IGF2BP2: variants seen among roughly 807,000 people sequenced by gnomAD.
IGF2BP2 encodes the protein insulin-like growth factor 2 mRNA-binding protein 2.
Under a neutral mutation model 75.8 loss-of-function variants are expected in IGF2BP2, and 17 were observed. The ratio of observed to expected loss-of-function variants is 0.22; its 90% CI spans 0.15 to 0.34. The LOEUF (loss-of-function observed/expected upper bound fraction) is 0.34. Ranked by LOEUF, IGF2BP2 falls within the 10% of genes least tolerant of loss-of-function variation. The probability of loss-of-function intolerance (pLI) is 1.00; values close to 1 mark genes in which losing one functional copy is unlikely to be tolerated. For missense variants in IGF2BP2, 516 were observed against 772.4 expected (o/e 0.67, Z 3.93); for synonymous variants, 288 against 295.6 (o/e 0.97, Z 0.26).
chr3:185,745,939 T>G (rs190206845), intron 2 of IGF2BP2, among the ~76,000 whole-genome samples: 13 of 152,234 alleles, frequency 8.5e-5, no homozygotes, highest in African/African-American at 3.1e-4. Context: ...GTTTTCTTCT[T>G]GGCAAGGTCA....
At chr3:185,704,838 T>C (rs996107548) in intron 2 of IGF2BP2, among the ~76,000 whole-genome samples, 3 of 152,228 alleles carry the variant, frequency 2.0e-5, no homozygotes, top group East Asian at 1.9e-4. Context: ...TGAAAAAAAA[T>C]TGTTTAGTCA....
chr3:185,824,704 C>T, intron 1 of IGF2BP2, 79 bp downstream of exon 1: 1 of 1,127,058 alleles, frequency 8.9e-7, no homozygotes, highest in Non-Finnish European at 1.1e-6. Flanking sequence ...GCGCCGCCCG[C>T]CGGACTCGGC....
intron 2 of IGF2BP2, 37 bp from the exon 3 acceptor site, chr3:185,698,384 C>T (rs1291519202): frequency 6.3e-7 from 1 of 1,588,878 alleles, no homozygotes; most frequent in South Asian, 1.1e-5. Flanking sequence ...ACACTTTCTC[C>T]AGGACACAAA....
intron 2 of IGF2BP2, among the ~76,000 whole-genome samples, chr3:185,796,146 T>C (rs975801971): frequency 1.3e-5 from 2 of 152,166 alleles, no homozygotes; most frequent in Non-Finnish European, 1.5e-5. Flanking sequence ...GTGGGTTCCA[T>C]GAAAAAACTT....
rs543782428 is a variant in IGF2BP2, at chr3:185,786,730, G to C, written c.239+36423C>G. On this transcript the variant is annotated intron_variant, in intron 2 of 15. Coordinates refer to ENST00000382199, the MANE Select transcript of IGF2BP2 (RefSeq NM_006548.6). Reference sequence around the variant, plus strand: ...TTTGGTGGTCTCTTCACATGGACGCGCGTGACAGAACCCTCTTAAGATACG... The same window carrying C: ...TTTGGTGGTCTCTTCACATGGACGCCCGTGACAGAACCCTCTTAAGATACG... Among the ~76,000 whole-genome samples the C allele has an allele frequency of 1.1e-4, 16 of 152,146 alleles. No homozygotes were observed. The East Asian group carries it at 3.1e-3, about 29-fold the overall frequency.
intron 2 of IGF2BP2, among the ~76,000 whole-genome samples, chr3:185,746,690 CAT>C (rs1210534569): frequency 6.6e-6 from 1 of 152,180 alleles, no homozygotes; most frequent in African/African-American, 2.4e-5. Context: ...CAACAGGAAA[CAT>C]ATATCATATT....
intron 2 of IGF2BP2, among the ~76,000 whole-genome samples, chr3:185,804,861 C>T (rs1276322559): frequency 2.0e-5 from 3 of 151,162 alleles, no homozygotes; most frequent in Non-Finnish European, 3.0e-5. Context: ...GAGTGGGTGG[C>T]GGGTGCCTGT....
At chr3:185,689,121 G>A in intron 6 of IGF2BP2, 1 of 540,934 alleles carries the variant, frequency 1.8e-6, no homozygotes, top group Non-Finnish European at 3.2e-6. Context: ...AACAGTCCTG[G>A]CTGTGAGGTT....
At chr3:185,756,372 C>G (rs1731620145) in intron 2 of IGF2BP2, among the ~76,000 whole-genome samples, 1 of 152,166 alleles carries the variant, frequency 6.6e-6, no homozygotes, top group Admixed American at 6.5e-5. Flanking sequence ...ATTACCCAGT[C>G]TCGGGTGTTC....
intron 2 of IGF2BP2, among the ~76,000 whole-genome samples, chr3:185,802,674 C>T (rs1416542344): frequency 4.6e-5 from 7 of 152,132 alleles, no homozygotes; most frequent in African/African-American, 1.7e-4. Context: ...TTTCAAAACC[C>T]AATGCAGCAT....
intron 10 of IGF2BP2, among the ~76,000 whole-genome samples, chr3:185,665,677 G>GAGCCC (rs1426237508): frequency 6.6e-6 from 1 of 152,102 alleles, no homozygotes; most frequent in Non-Finnish European, 1.5e-5. Context: ...AGTTCTAAAG[G>GAGCCC]AGCTATGGGC....
intron 10 of IGF2BP2, among the ~76,000 whole-genome samples, chr3:185,669,574 A>AAAAG (rs1322137606): frequency 2.4e-5 from 3 of 124,494 alleles, no homozygotes; most frequent in South Asian, 6.2e-4. Flanking sequence ...AAAAAAAAAA[A>AAAAG]GGGGGGGGGG....
intron 2 of IGF2BP2, among the ~76,000 whole-genome samples, chr3:185,704,014 G>C (rs568777925): frequency 8.5e-5 from 13 of 152,142 alleles, no homozygotes; most frequent in African/African-American, 1.2e-4. Flanking sequence ...CTAGGAACTG[G>C]AGGATTCCCA....
At chr3:185,648,751 G>A (rs757349682) in intron 14 of IGF2BP2, among the ~76,000 whole-genome samples, 16 of 151,920 alleles carry the variant, frequency 1.1e-4, no homozygotes, top group Non-Finnish European at 1.8e-4. Context: ...AAACTACACT[G>A]TGTTTGTTCC....
At chr3:185,751,538 TCTC>T (rs1423738069) in intron 2 of IGF2BP2, among the ~76,000 whole-genome samples, 1 of 146,066 alleles carries the variant, frequency 6.8e-6, no homozygotes, top group African/African-American at 2.6e-5. Context: ...CTACTAGTAT[TCTC>T]CTGCTGAGGC....
At chr3:185,808,167 A>G (rs892707150) in intron 2 of IGF2BP2, among the ~76,000 whole-genome samples, 1 of 151,868 alleles carries the variant, frequency 6.6e-6, no homozygotes, top group African/African-American at 2.4e-5. Flanking sequence ...AAACAAACAA[A>G]CAAAAATGTT....
intron 2 of IGF2BP2, chr3:185,716,837 T>C: frequency 1.9e-6 from 1 of 512,832 alleles, no homozygotes; most frequent in Non-Finnish European, 3.9e-6. Context: ...CTACGCAGCC[T>C]GGATCAGAGC....
Position 185,658,483 on chromosome 3 carries a change from C to T in IGF2BP2, c.1201-74G>A, listed in dbSNP as rs1345980666. On this transcript the variant is annotated intron_variant, in intron 10 of 15. Coordinates refer to ENST00000382199, the MANE Select transcript of IGF2BP2 (RefSeq NM_006548.6). ...CACTGGCCTCAGGGAGGCCAGATTC[C>T]CAACATGCGACACAGGCTCTCTGTG... 7.0e-5 allele frequency: 88 copies of T among 1,255,824 alleles called. No homozygotes were observed. The East Asian group carries it at 2.0e-3, about 29-fold the overall frequency. The allele number at this position is 1,255,824 out of a possible 1,614,324, so 77.8% of individuals were successfully genotyped here.
chr3:185,708,080 T>C (rs1414181305), intron 2 of IGF2BP2, among the ~76,000 whole-genome samples: 2 of 152,236 alleles, frequency 1.3e-5, no homozygotes, highest in East Asian at 3.8e-4. Context: ...ATTTAAGCCT[T>C]ACCCTTTTGA....
Sources: gnomAD v4.1 joint callset for allele counts (sites outside exome capture counted in the v4.1 genomes callset) on GRCh38, gnomAD v4.1.1 for gene constraint, MANE v1.5 for transcripts, NCBI Gene and HGNC (gene_info 2026-07-23, HGNC 2026-07-21) for gene names.